The following PCNX2 variants were observed in gnomAD, a reference collection of about 807,000 sequenced individuals.
The protein encoded by PCNX2 is pecanex 2.
PCNX2 carries 168 observed loss-of-function variants against 223.8 expected under a neutral mutation model. That is an observed-to-expected ratio of 0.75 (90% CI 0.66 to 0.85). The LOEUF (loss-of-function observed/expected upper bound fraction) is 0.85. Ranked by LOEUF, PCNX2 falls within the 40% of genes least tolerant of loss-of-function variation. PCNX2 has a pLI of 0.00. For synonymous variants in PCNX2, 1,006 were observed against 1,052.6 expected, an observed-to-expected ratio of 0.96 and a Z score of 0.86; for missense variants, 2,507 against 2,675.5, an observed-to-expected ratio of 0.94 and a Z score of 1.39.
chr1:233,110,087 T>C (rs1339410222), intron 21 of PCNX2, among the ~76,000 whole-genome samples: 19 of 151,546 alleles, frequency 1.3e-4, no homozygotes, highest in Non-Finnish European at 1.5e-5. Context: ...AGACCCTGTC[T>C]CAAAAAATAA....
chr1:233,102,756 G>A (rs1043148871), intron 21 of PCNX2, among the ~76,000 whole-genome samples: 60 of 152,044 alleles, frequency 3.9e-4, no homozygotes, highest in Middle Eastern at 3.4e-3. Context: ...ATATATTGTC[G>A]TTATTAATCC....
intron 21 of PCNX2, among the ~76,000 whole-genome samples, chr1:233,116,028 T>A (rs1240944852): frequency 1.3e-5 from 2 of 151,878 alleles, no homozygotes; most frequent in Non-Finnish European, 2.9e-5. Flanking sequence ...GCAAAGAAAT[T>A]ACCAGAAAAG....
At position 233,154,970 on chromosome 1, in the gene PCNX2, G is replaced by A. The variant is rs1426122566; in HGVS notation, c.3517+5313C>T. Among the ~76,000 whole-genome samples the A allele has an allele frequency of 2.6e-5, 4 of 151,220 alleles. No individual in the cohort carries two copies. The East Asian group carries it at 7.8e-4, about 30-fold the overall frequency. On this transcript the variant is annotated intron_variant, in intron 19 of 33. Transcript: ENST00000258229. ...TGTAATTCCAGCTAGTAGGGCAGCTGAGGCATGAGAATTGCTTGAACCCAG... is the reference window on the plus strand; with the variant it reads ...TGTAATTCCAGCTAGTAGGGCAGCTAAGGCATGAGAATTGCTTGAACCCAG...
chr1:232,992,466 A>G (rs1571987286), intron 32 of PCNX2, among the ~76,000 whole-genome samples: 1 of 152,136 alleles, frequency 6.6e-6, no homozygotes, highest in Non-Finnish European at 1.5e-5. Flanking sequence ...GGAGGGCAGG[A>G]GGCAAGGGCG....
chr1:233,000,420 G>A lies in PCNX2; in HGVS notation c.5213C>T (p.Ala1738Val). ...CHEGDPAWRG[A>V]VLSNKEELLT... ...CAGCTCTTCCTTGTTGGACAGCACT[G>A]CGCCCCGCCAGGCCGGGTCGCCCTC... The change falls in exon 30 of 34, where the codon GCA becomes GTA. Residue 1738 changes from alanine (A) to valine (V), a missense_variant. By Grantham distance (64) the Ala-to-Val change is moderately conservative. This residue lies in a region of PCNX2 where 1,372 missense variants were observed against 1,509.4 expected (regional missense o/e 0.91). Transcript: ENST00000258229. This position sits in a 1 kb window ranked among gnomAD's most constrained non-coding sequence, Gnocchi z 4.6. 1 of 1,605,680 alleles carries A rather than the reference G, an allele frequency of 6.2e-7. No homozygotes were observed. Among genetic ancestry groups the A allele is most frequent in the Non-Finnish European group, 8.5e-7 (1 of 1,174,716 alleles).
intron 15 of PCNX2, among the ~76,000 whole-genome samples, chr1:233,186,090 T>C (rs1680079741): frequency 6.6e-6 from 1 of 152,220 alleles, no homozygotes; most frequent in Admixed American, 6.5e-5. Context: ...ACCTCTTATG[T>C]TGGAATTTAT....
chr1:233,085,854 C>T (rs1673574605), intron 23 of PCNX2, among the ~76,000 whole-genome samples: 1 of 152,156 alleles, frequency 6.6e-6, no homozygotes, highest in African/African-American at 2.4e-5. Flanking sequence ...CTATTTCAGT[C>T]CCAGTCACCA....
At chr1:233,062,859 T>C (rs1365084203) in intron 23 of PCNX2, among the ~76,000 whole-genome samples, 1 of 152,070 alleles carries the variant, frequency 6.6e-6, no homozygotes, top group Non-Finnish European at 1.5e-5. Context: ...ATGAACAACT[T>C]TGTGCCAATA....
At position 233,134,072 on chromosome 1, in the gene PCNX2, T is replaced by A. The variant is rs74317094; in HGVS notation, c.3837+941A>T. Among the ~76,000 whole-genome samples, 1,043 of 152,192 alleles carry A rather than the reference T, an allele frequency of 6.9e-3. 22 individuals are homozygous for A. The highest frequency in any genetic ancestry group is 0.043 in the Admixed American group (653 of 15,284). ...AAGAGGTGAAAAAATTTTAAAAATTTAAAATTTAGAAAGACTTACAATTAA... is the reference window on the plus strand; with the variant it reads ...AAGAGGTGAAAAAATTTTAAAAATTAAAAATTTAGAAAGACTTACAATTAA... On this transcript the variant is annotated intron_variant, in intron 21 of 33. Transcript: ENST00000258229.
In PCNX2 at chr1:233,001,439, A is replaced by G. The variant is rs970963631; in HGVS notation, c.5097+98T>C. 4.3e-5 allele frequency: 35 copies of G among 808,038 alleles called. No homozygotes were observed. The highest frequency in any genetic ancestry group is 5.3e-5 in the Non-Finnish European group (34 of 636,058). 50.1% of individuals were successfully genotyped at this position (808,038 alleles called of 1,614,324 possible). A position where few individuals can be genotyped will look rare whatever the true frequency, so the allele number is the denominator to read the frequency against. On this transcript the variant is annotated intron_variant, in intron 29 of 33. Coordinates refer to ENST00000258229, the MANE Select transcript of PCNX2 (RefSeq NM_014801.4). This position sits in a 1 kb window ranked among gnomAD's most constrained non-coding sequence, Gnocchi z 4.2. ...GGTTGTGGTGAGCCGAGATTGTGCC[A>G]TTGCACCCCAGCCTGGGCAACAAGA...
At chr1:233,055,706 A>T (rs1353491304) in intron 24 of PCNX2, among the ~76,000 whole-genome samples, 2 of 152,186 alleles carry the variant, frequency 1.3e-5, no homozygotes, top group Non-Finnish European at 2.9e-5. Context: ...CCATAGGCAT[A>T]GTTGTCCTAA....
intron 22 of PCNX2, 127 bp from the exon 23 acceptor site, chr1:233,090,317 CTT>C (rs1673807460): frequency 9.2e-7 from 1 of 1,081,330 alleles, no homozygotes; most frequent in Non-Finnish European, 1.3e-6. Flanking sequence ...AGAACACACA[CTT>C]AATCTCTCTA....
chr1:232,984,203 A>C lies in PCNX2; in HGVS notation c.*101T>G. 1 of 1,078,768 alleles carries C rather than the reference A, an allele frequency of 9.3e-7. No individual in the cohort carries two copies. The highest frequency in any genetic ancestry group is 1.2e-6 in the Non-Finnish European group (1 of 838,974). 66.8% of individuals were successfully genotyped at this position (1,078,768 alleles called of 1,614,324 possible). A position where few individuals can be genotyped will look rare whatever the true frequency, so the allele number is the denominator to read the frequency against. On this transcript the variant is annotated 3_prime_UTR_variant, in exon 34 of 34. Transcript: ENST00000258229. ...TTTCCACAGGAGGAGTCCCTCATGG[A>C]TCGCGGTATTGGTTGGTTGTGGTGA...
intron 15 of PCNX2, 52 bp downstream of exon 15, chr1:233,198,886 TA>T: frequency 2.8e-6 from 4 of 1,445,248 alleles, no homozygotes; most frequent in Non-Finnish European, 2.9e-6. Context: ...TTTAAAAAAA[TA>T]AGTTAATTTA....
At chr1:233,316,877 A>G in the PCNX2 span, among the ~76,000 whole-genome samples, 1 of 152,216 alleles carries the variant, frequency 6.6e-6, no homozygotes, top group African/African-American at 2.4e-5. Flanking sequence ...TAATTTACTT[A>G]TTCATCCTGT....
At chr1:233,085,264 G>A (rs1205118791) in intron 23 of PCNX2, among the ~76,000 whole-genome samples, 1 of 151,804 alleles carries the variant, frequency 6.6e-6, no homozygotes, top group Non-Finnish European at 1.5e-5. Flanking sequence ...ACTCGGGGGT[G>A]GAGGTTGCAG....
Position 233,095,799 on chromosome 1 carries a change from C to T in PCNX2, c.3902G>A (p.Trp1301Ter), listed in dbSNP as rs1158524442. 2.5e-6 allele frequency: 4 copies of T among 1,612,610 alleles called. No homozygotes were observed. The highest frequency in any genetic ancestry group is 4.5e-5 in the East Asian group (2 of 44,820). The change falls in exon 22 of 34, where the codon TGG (tryptophan) becomes TAG (stop). Residue 1301 changes from tryptophan (W) to a stop codon, truncating the protein, a stop_gained. Transcript: ENST00000258229. LOFTEE classifies it high-confidence loss of function. ...AGCAAACACGTGAAACGAAGAACCC[C>T]AAGCCATCTGCCAAGGAGCCACATA... Reference protein sequence around the residue: ...LTYVAPWQMAWGSSFHVFAQL... With the variant: ...LTYVAPWQMA
chr1:233,206,873 T>C (rs1402937234), intron 13 of PCNX2, among the ~76,000 whole-genome samples: 1 of 151,840 alleles, frequency 6.6e-6, no homozygotes, highest in Non-Finnish European at 1.5e-5. Context: ...TAGCCGGGCA[T>C]GGTGGCACAT....
intron 30 of PCNX2, 37 bp from the exon 31 acceptor site, chr1:232,999,416 G>T: frequency 6.5e-7 from 1 of 1,543,004 alleles, no homozygotes; most frequent in South Asian, 1.2e-5. Context: ...AAAGGCAGAA[G>T]GCCTGTGTTT....
Sources: gnomAD v4.1 joint callset for allele counts (sites outside exome capture counted in the v4.1 genomes callset) on GRCh38, gnomAD v4.1.1 for gene constraint, gnomAD v4.1.1 regional missense constraint, Gnocchi (gnomAD v3.1) non-coding constraint, MANE v1.5 for transcripts, NCBI Gene and HGNC (gene_info 2026-07-23, HGNC 2026-07-21) for gene names.